The following HEPH variants were observed in gnomAD, a reference collection of about 807,000 sequenced individuals.
HEPH encodes the protein hephaestin.
In HEPH, 69 loss-of-function variants were observed where a neutral mutation model predicts 80.8. The observed-to-expected ratio is 0.85, with a 90% confidence interval of 0.70 to 1.04. The LOEUF (loss-of-function observed/expected upper bound fraction) is 1.04, where lower values mean the gene tolerates loss of function less well. HEPH is among the 50% of genes least tolerant of loss of function. HEPH has a pLI of 0.00. For synonymous variants in HEPH, 431 were observed against 322.8 expected (o/e 1.34, Z -3.60); for missense variants, 1,115 against 891.3 (o/e 1.25, Z -3.20).
intron 4 of HEPH, among the ~76,000 whole-genome samples, chrX:66,180,771 T>G (rs758095178): frequency 1.1e-5 from 1 of 92,960 alleles, no homozygotes; most frequent in Admixed American, 1.2e-4. Flanking sequence ...TATGTATACA[T>G]GTGCCATGCT....
At chrX:66,242,397 C>A (rs1302602164) in intron 15 of HEPH, among the ~76,000 whole-genome samples, 2 of 111,526 alleles carry the variant, frequency 1.8e-5, no homozygotes, top group Non-Finnish European at 1.9e-5. Context: ...AAATGTAAAA[C>A]CTAAAACTAT....
At chrX:66,256,612 C>A (rs1221891429) in intron 17 of HEPH, among the ~76,000 whole-genome samples, 2 of 111,765 alleles carry the variant, frequency 1.8e-5, no homozygotes, top group Non-Finnish European at 3.8e-5. Context: ...TTAGAGAAGG[C>A]AAAATGGACA....
At chrX:66,263,581 G>T in intron 19 of HEPH, 63 bp from the exon 20 acceptor site, 1 of 1,123,464 alleles carries the variant, frequency 8.9e-7, no homozygotes. Context: ...CTTTCATAGG[G>T]GGCCTATGGA....
chrX:66,259,528 AG>A (rs1276779218), intron 18 of HEPH, among the ~76,000 whole-genome samples: 5 of 111,915 alleles, frequency 4.5e-5, no homozygotes, highest in African/African-American at 1.6e-4. Context: ...CCTCATTCAT[AG>A]GGGTCAAAGC....
intron 15 of HEPH, among the ~76,000 whole-genome samples, chrX:66,227,108 G>T (rs972926462): frequency 8.9e-6 from 1 of 112,137 alleles, no homozygotes; most frequent in African/African-American, 3.2e-5. Flanking sequence ...TTCATACAAA[G>T]TATGCAGGGA....
intron 4 of HEPH, among the ~76,000 whole-genome samples, chrX:66,178,618 CTT>C (rs1039462964): frequency 8.9e-6 from 1 of 111,831 alleles, no homozygotes; most frequent in East Asian, 2.8e-4. Context: ...TGTTTCCTGA[CTT>C]TTTAATGATT....
chrX:66,208,393 T>C (rs948738093), intron 15 of HEPH, 147 bp downstream of exon 15: 2 of 529,104 alleles, frequency 3.8e-6, no homozygotes, highest in Non-Finnish European at 5.8e-6. Context: ...CTGAGGCGGG[T>C]GGATCACTTG....
At chrX:66,227,949 G>C (rs1303968816) in intron 15 of HEPH, among the ~76,000 whole-genome samples, 1 of 111,075 alleles carries the variant, frequency 9.0e-6, no homozygotes, top group African/African-American at 3.3e-5. Flanking sequence ...TTGGTATTTT[G>C]ATGGAAATTG....
At chrX:66,194,662 G>T (rs930949253) in intron 8 of HEPH, among the ~76,000 whole-genome samples, 4 of 111,531 alleles carry the variant, frequency 3.6e-5, no homozygotes, top group African/African-American at 9.8e-5. Context: ...TCTTAGATAG[G>T]TCCACAAAGA....
chrX:66,184,154 G>A (rs1468647808), intron 4 of HEPH, among the ~76,000 whole-genome samples: 1 of 46,952 alleles, frequency 2.1e-5, no homozygotes, highest in Non-Finnish European at 3.1e-5. Flanking sequence ...GGTGTGGTGT[G>A]GTGCTGAAAA....
intron 1 of HEPH, among the ~76,000 whole-genome samples, chrX:66,165,349 A>G (rs1345719204): frequency 8.9e-6 from 1 of 111,888 alleles, no homozygotes; most frequent in Non-Finnish European, 1.9e-5. Context: ...TTTCTATCAC[A>G]GAGTTAAGAA....
chrX:66,258,970 C>T lies in HEPH; in HGVS notation c.3027C>T (p.Phe1009=). The change falls in exon 18 of 21, where the codon TTC becomes TTT. Residue 1009 remains phenylalanine (F), a synonymous_variant. Transcript: ENST00000343002. ...CCATCCACTTTCATGCAGAGAGCTT[C>T]CTCTATCGGGTGAGCTGGAAAATGG... ...LHTIHFHAES[F]LYRNGENYRA... 8.3e-7 allele frequency: 1 copy of T among 1,200,396 alleles called. No individual in the cohort carries two copies. The highest frequency in any genetic ancestry group is 1.1e-6 in the Non-Finnish European group (1 of 891,174).
At position 66,258,987 on chromosome X, in the gene HEPH, G is replaced by A; in HGVS notation, c.3036+8G>A. 1 of 1,193,703 alleles carries A rather than the reference G, an allele frequency of 8.4e-7. No homozygotes were observed. Among genetic ancestry groups the A allele is most frequent in the Non-Finnish European group, 1.1e-6 (1 of 888,504 alleles). Reference sequence around the variant, plus strand: ...GAGAGCTTCCTCTATCGGGTGAGCTGGAAAATGGGCTGAGTCCCTCAAGGA... The same window carrying A: ...GAGAGCTTCCTCTATCGGGTGAGCTAGAAAATGGGCTGAGTCCCTCAAGGA... On this transcript the variant is annotated splice_region_variant and intron_variant, in intron 18 of 20. Coordinates refer to ENST00000343002, the MANE Select transcript of HEPH (RefSeq NM_001367233.3).
At chrX:66,181,986 G>T (rs1353856831) in intron 4 of HEPH, among the ~76,000 whole-genome samples, 10 of 110,163 alleles carry the variant, frequency 9.1e-5, no homozygotes, top group African/African-American at 3.3e-4. Context: ...TTTTTCTCAG[G>T]TTTGTCAAAG....
At chrX:66,212,190 T>G (rs1381718202) in intron 15 of HEPH, among the ~76,000 whole-genome samples, 4 of 81,418 alleles carry the variant, frequency 4.9e-5, no homozygotes, top group African/African-American at 2.7e-4. Flanking sequence ...TAATGTGTTT[T>G]TTTTTTTTTT....
intron 15 of HEPH, among the ~76,000 whole-genome samples, chrX:66,208,898 C>T (rs1447422750): frequency 2.8e-5 from 3 of 108,014 alleles, no homozygotes; most frequent in East Asian, 5.8e-4. Flanking sequence ...CAGCCCTTAG[C>T]CCAGTAAATA....
intron 15 of HEPH, among the ~76,000 whole-genome samples, chrX:66,253,458 G>A (rs1268188627): frequency 8.9e-6 from 1 of 112,201 alleles, no homozygotes; most frequent in Non-Finnish European, 1.9e-5. Context: ...TTTAAAAGCA[G>A]ACAATAACTA....
intron 19 of HEPH, among the ~76,000 whole-genome samples, chrX:66,262,536 G>T (rs1210316107): frequency 1.8e-5 from 2 of 112,027 alleles, no homozygotes; most frequent in East Asian, 5.6e-4. Flanking sequence ...TCACCAGCCA[G>T]CATTGAGGGC....
intron 15 of HEPH, among the ~76,000 whole-genome samples, chrX:66,239,444 G>C (rs1391996022): frequency 9.8e-5 from 11 of 111,954 alleles, no homozygotes; most frequent in African/African-American, 2.3e-4. Flanking sequence ...GTTCCACCTG[G>C]CTGTGTCTGG....
Sources: gnomAD v4.1 joint callset for allele counts (sites outside exome capture counted in the v4.1 genomes callset) on GRCh38, gnomAD v4.1.1 for gene constraint, MANE v1.5 for transcripts, NCBI Gene and HGNC (gene_info 2026-07-23, HGNC 2026-07-21) for gene names.